SNX25: variants seen among roughly 807,000 people sequenced by gnomAD.
The protein encoded by SNX25 is sorting nexin 25, also known as sorting nexin-25.
Under a neutral mutation model 113.7 loss-of-function variants are expected in SNX25, and 62 were observed. The observed-to-expected ratio is 0.55, with a 90% CI of 0.44 to 0.67. The LOEUF (loss-of-function observed/expected upper bound fraction) is 0.67, where lower values mean the gene tolerates loss of function less well. SNX25 is among the 30% of genes least tolerant of loss of function. The pLI is 0.00. For missense variants in SNX25, 1,014 were observed against 1,161.0 expected, an observed-to-expected ratio of 0.87 and a Z score of 1.84; for synonymous variants, 421 against 436.2, an observed-to-expected ratio of 0.97 and a Z score of 0.43.
At chr4:185,233,227 G>A (rs1368687475) in intron 1 of SNX25, among the ~76,000 whole-genome samples, 1 of 152,040 alleles carries the variant, frequency 6.6e-6, no homozygotes, top group Non-Finnish European at 1.5e-5. Context: ...AGAGGTTGCA[G>A]TGAGCCAAGA....
intron 1 of SNX25, among the ~76,000 whole-genome samples, chr4:185,231,255 C>T (rs1236735560): frequency 2.6e-5 from 4 of 151,640 alleles, no homozygotes; most frequent in South Asian, 2.1e-4. Flanking sequence ...CCCGCCACCA[C>T]GCCCGGCTAA....
the SNX25 span, among the ~76,000 whole-genome samples, chr4:185,376,620 AT>A: frequency 6.6e-6 from 1 of 152,000 alleles, no homozygotes; most frequent in African/African-American, 2.4e-5. Flanking sequence ...ATTATTAAAT[AT>A]TTTGAGCAAA....
chr4:185,207,255 C>T (rs1355915785), upstream of SNX25, among the ~76,000 whole-genome samples: 9 of 121,650 alleles, frequency 7.4e-5, no homozygotes, highest in Admixed American at 2.3e-4. Context: ...GTCTCGCTGT[C>T]GCCCAGGCTG....
downstream of SNX25, chr4:185,367,254 C>A (rs760220444): frequency 2.1e-5 from 33 of 1,602,760 alleles, no homozygotes; most frequent in African/African-American, 1.8e-4. Context: ...GCCTTAAAAT[C>A]AAAAAGAGTC....
At chr4:185,209,402 A>C (rs1442172908), upstream of SNX25, 2 of 152,294 alleles carry the variant, frequency 1.3e-5, no homozygotes, top group Non-Finnish European at 2.9e-5. The surrounding 1 kb of genome is among the most constrained non-coding windows in gnomAD (Gnocchi z 5.2). Flanking sequence ...GTAGAGGAGG[A>C]GGGGAGCGTG....
At chr4:185,273,068 TA>T (rs1322242434) in intron 5 of SNX25, among the ~76,000 whole-genome samples, 2 of 152,166 alleles carry the variant, frequency 1.3e-5, no homozygotes, top group Admixed American at 1.3e-4. Context: ...CCAAGTGTCT[TA>T]GGGGGAAAAG....
intron 5 of SNX25, among the ~76,000 whole-genome samples, chr4:185,280,112 T>G (rs1418088957): frequency 6.6e-6 from 1 of 152,156 alleles, no homozygotes; most frequent in African/African-American, 2.4e-5. Flanking sequence ...GTATTTTCTG[T>G]AGAGACGAGG....
chr4:185,370,742 G>C (rs764271343), downstream of SNX25: 1 of 1,614,082 alleles, frequency 6.2e-7, no homozygotes, highest in Non-Finnish European at 8.5e-7. Flanking sequence ...TGCCTCTGCC[G>C]ATGAACTCCG....
In SNX25 at chr4:185,346,495, T is replaced by C. The variant is rs3756274; in HGVS notation, c.2188-42T>C. On this transcript the variant is annotated intron_variant, in intron 12 of 18. Coordinates refer to ENST00000652585, the MANE Select transcript of SNX25 (RefSeq NM_001378034.2). ...TTCTAAATCTTTTTTAAGATTAAAATGTAATTTCAAAATACTAACATTTCA... is the reference window on the plus strand; with the variant it reads ...TTCTAAATCTTTTTTAAGATTAAAACGTAATTTCAAAATACTAACATTTCA... 1.7e-3 allele frequency: 2,190 copies of C among 1,252,126 alleles called. 24 individuals carry two copies. In the Admixed American group the frequency reaches 0.024, roughly 14 times the overall value. 77.6% of individuals were successfully genotyped at this position (1,252,126 alleles called of 1,614,324 possible).
At chr4:185,277,780 TGGA>T (rs1184777966) in intron 5 of SNX25, among the ~76,000 whole-genome samples, 1 of 36,358 alleles carries the variant, frequency 2.8e-5, no homozygotes, top group African/African-American at 9.8e-5. Context: ...TCGCCCAGGC[TGGA>T]GTGCAGTGGC....
Position 185,353,538 on chromosome 4 carries a change from G to A in SNX25, c.2520G>A (p.Gly840=), listed in dbSNP as rs368723240. The change falls in exon 15 of 19, where the codon GGG becomes GGA. Residue 840 remains glycine, a synonymous_variant. Coordinates refer to ENST00000652585, the MANE Select transcript of SNX25 (RefSeq NM_001378034.2). ...CAGATTATGGTGATGATGTGGATGG[G>A]AGGAAAGACGCCTTGGCTGAACCAT... The part of the protein sequence containing the change: ...DLSDYGDDVD[G]RKDALAEPCF... 19 of 1,614,084 alleles carry A rather than the reference G, an allele frequency of 1.2e-5. No homozygotes were observed. Among genetic ancestry groups the A allele is most frequent in the Non-Finnish European group, 1.5e-5 (18 of 1,180,040 alleles).
chr4:185,339,064 T>C (rs958344506), intron 10 of SNX25, among the ~76,000 whole-genome samples: 17 of 152,244 alleles, frequency 1.1e-4, no homozygotes, highest in African/African-American at 3.9e-4. Flanking sequence ...TTGGTAGTAC[T>C]GACAGCAATA....
chr4:185,246,988 A>G (rs1452224272), intron 1 of SNX25, among the ~76,000 whole-genome samples: 1 of 152,216 alleles, frequency 6.6e-6, no homozygotes, highest in African/African-American at 2.4e-5. Context: ...TTCTTAAGAA[A>G]ATTATGTTCT....
intron 1 of SNX25, among the ~76,000 whole-genome samples, chr4:185,212,491 G>GTGTGTGTGTGTTTTTGTT (rs546083196): frequency 9.5e-6 from 1 of 104,944 alleles, no homozygotes; most frequent in African/African-American, 3.7e-5. Flanking sequence ...GTGTGTGTGT[G>GTGTGTGTGTGTTTTTGTT]TTTTTTTTTT....
intron 5 of SNX25, among the ~76,000 whole-genome samples, chr4:185,285,110 A>G (rs1039871867): frequency 6.6e-6 from 1 of 152,192 alleles, no homozygotes; most frequent in Non-Finnish European, 1.5e-5. Flanking sequence ...CACAACTGCC[A>G]TTCATTTCAT....
chr4:185,227,506 T>C (rs1029100161), intron 1 of SNX25, among the ~76,000 whole-genome samples: 1 of 152,272 alleles, frequency 6.6e-6, no homozygotes, highest in Non-Finnish European at 1.5e-5. Flanking sequence ...CATTTTTGTA[T>C]GTTCAGCTCT....
At chr4:185,298,094 T>G (rs1753092736) in intron 6 of SNX25, among the ~76,000 whole-genome samples, 1 of 46,622 alleles carries the variant, frequency 2.1e-5, no homozygotes. Flanking sequence ...TAGTAACTTC[T>G]TTTTTTTTTT....
downstream of SNX25, chr4:185,372,749 G>T: frequency 1.1e-6 from 1 of 898,714 alleles, no homozygotes; most frequent in Non-Finnish European, 1.7e-6. Context: ...GGAGGTTGCA[G>T]CCCTCTCCTG....
In SNX25 at chr4:185,301,280, G is replaced by A. The variant is rs541441414; in HGVS notation, c.1163-9355G>A. ...AAGGCCTAATGACAGTATTCAAGGA[G>A]GTTCCTGGAGGGTGACACACCCAGG... On this transcript the variant is annotated intron_variant, in intron 6 of 18. Transcript: ENST00000652585. Among the ~76,000 whole-genome samples, 461 of 152,302 alleles carry A rather than the reference G, an allele frequency of 3.0e-3. 8 individuals are homozygous for A. The highest frequency in any genetic ancestry group is 0.011 in the African/African-American group (441 of 41,584).
Sources: gnomAD v4.1 joint callset for allele counts (sites outside exome capture counted in the v4.1 genomes callset) on GRCh38, gnomAD v4.1.1 for gene constraint, Gnocchi (gnomAD v3.1) non-coding constraint, MANE v1.5 for transcripts, NCBI Gene and HGNC (gene_info 2026-07-23, HGNC 2026-07-21) for gene names.